The following FLYWCH2 variants were observed in gnomAD, a reference collection of about 807,000 sequenced individuals.
FLYWCH2 encodes the protein FLYWCH family member 2.
A neutral mutation model predicts 6.0 loss-of-function variants in FLYWCH2; 2 were observed. That is an observed-to-expected ratio of 0.33 (90% CI 0.14 to 1.04). FLYWCH2 has a LOEUF of 1.04. Ranked by LOEUF, FLYWCH2 falls within the 50% of genes least tolerant of loss-of-function variation. FLYWCH2 has a pLI of 0.45. For missense variants in FLYWCH2, 192 were observed against 183.4 expected (o/e 1.05, Z -0.27); for synonymous variants, 87 against 79.3 (o/e 1.10, Z -0.52).
chr16:2,898,790 A>G (rs370424699), intron 3 of FLYWCH2: 16 of 372,026 alleles, frequency 4.3e-5, no homozygotes, highest in Admixed American at 4.8e-5. Flanking sequence ...AGCAGAGGCG[A>G]TGGCTGCGGC....
At chr16:2,886,367 G>T (rs1270813639) in intron 1 of FLYWCH2, among the ~76,000 whole-genome samples, 3 of 148,550 alleles carry the variant, frequency 2.0e-5, no homozygotes, top group Non-Finnish European at 4.4e-5. Flanking sequence ...ATCCAAAAAA[G>T]AAAATAATTT....
At chr16:2,890,577 G>A (rs2069745841) in intron 1 of FLYWCH2, among the ~76,000 whole-genome samples, 2 of 148,192 alleles carry the variant, frequency 1.3e-5, no homozygotes, top group South Asian at 4.2e-4. Flanking sequence ...ACCACGCCCG[G>A]CCAATTTTTT....
At chr16:2,884,557 C>CAAAAAAAAAA (rs2069674760) in intron 1 of FLYWCH2, among the ~76,000 whole-genome samples, 2 of 4,620 alleles carry the variant, frequency 4.3e-4, no homozygotes, top group African/African-American at 8.7e-4. Flanking sequence ...CCCGTCTCTA[C>CAAAAAAAAAA]TAAAAAAAAA....
intron 1 of FLYWCH2, among the ~76,000 whole-genome samples, chr16:2,887,031 T>G (rs760577730): frequency 8.5e-5 from 13 of 152,158 alleles, no homozygotes; most frequent in Non-Finnish European, 1.9e-4. Flanking sequence ...TCATTGGTTG[T>G]TTGTGCCTTT....
intron 1 of FLYWCH2, among the ~76,000 whole-genome samples, chr16:2,887,898 A>G (rs1192678844): frequency 1.3e-5 from 2 of 151,942 alleles, no homozygotes; most frequent in Non-Finnish European, 2.9e-5. Context: ...TTTTCCCTCC[A>G]CAGAACTGTC....
intron 2 of FLYWCH2, among the ~76,000 whole-genome samples, chr16:2,895,651 A>G (rs1251600896): frequency 6.6e-6 from 1 of 152,208 alleles, no homozygotes; most frequent in Non-Finnish European, 1.5e-5. Flanking sequence ...CGAGCAGAGG[A>G]GCATGTGGGC....
chr16:2,890,416 A>T (rs1474557211), intron 1 of FLYWCH2, among the ~76,000 whole-genome samples: 3 of 133,410 alleles, frequency 2.2e-5, no homozygotes, highest in South Asian at 2.4e-4. Context: ...TGCCTGACTA[A>T]TTTTTTTTTT....
chr16:2,897,512 A>G (rs1253852242), intron 3 of FLYWCH2, among the ~76,000 whole-genome samples: 2 of 152,148 alleles, frequency 1.3e-5, no homozygotes, highest in Admixed American at 6.5e-5. Flanking sequence ...GAGCATCTTC[A>G]GTCCCTGCTC....
rs373689415 is a variant in FLYWCH2, at chr16:2,891,365, C to T, written c.-199-3855C>T. Among the ~76,000 whole-genome samples the T allele has an allele frequency of 1.5e-4, 23 of 152,284 alleles. No homozygotes were observed. The East Asian group carries it at 3.5e-3, about 23-fold the overall frequency. ...TCTGTGCCAGGCGCAGGCAGGAGGA[C>T]CAGAGTGGCAGGGTTCTCTCTCTCT... On this transcript the variant is annotated intron_variant, in intron 1 of 3. Transcript: ENST00000396958.
At chr16:2,895,795 A>G (rs1343557869) in intron 2 of FLYWCH2, among the ~76,000 whole-genome samples, 3 of 152,276 alleles carry the variant, frequency 2.0e-5, no homozygotes, top group Non-Finnish European at 2.9e-5. Context: ...ATGTCCCCAG[A>G]GTGTTTAGCT....
At chr16:2,891,595 T>C (rs2069758578) in intron 1 of FLYWCH2, among the ~76,000 whole-genome samples, 1 of 152,006 alleles carries the variant, frequency 6.6e-6, no homozygotes, top group Non-Finnish European at 1.5e-5. Context: ...TTAGTAGAGA[T>C]GGGGTTTCAC....
intron 1 of FLYWCH2, among the ~76,000 whole-genome samples, chr16:2,884,579 A>AAAAAAAAAAAAAAC (rs1285185165): frequency 1.1e-4 from 15 of 137,844 alleles, no homozygotes; most frequent in Non-Finnish European, 2.4e-4. Context: ...AAAAAAAAAT[A>AAAAAAAAAAAAAAC]CAAAAATTAG....
At chr16:2,889,723 T>C (rs2069735241) in intron 1 of FLYWCH2, among the ~76,000 whole-genome samples, 2 of 151,892 alleles carry the variant, frequency 1.3e-5, no homozygotes, top group Non-Finnish European at 2.9e-5. Context: ...CAGTACAGAG[T>C]CCCTATAGAT....
chr16:2,894,036 T>C (rs1386414084), intron 1 of FLYWCH2, among the ~76,000 whole-genome samples: 1 of 152,058 alleles, frequency 6.6e-6, no homozygotes, highest in South Asian at 2.1e-4. Flanking sequence ...ATTAGGTTGG[T>C]GAAAATTAAT....
intron 1 of FLYWCH2, among the ~76,000 whole-genome samples, chr16:2,886,336 G>C (rs534726172): frequency 6.6e-6 from 1 of 151,052 alleles, no homozygotes; most frequent in Non-Finnish European, 1.5e-5. Flanking sequence ...GGGATTACAG[G>C]CATGTGCCAC....
chr16:2,892,083 T>C (rs2150847278), intron 1 of FLYWCH2, among the ~76,000 whole-genome samples: 1 of 151,640 alleles, frequency 6.6e-6, no homozygotes, highest in South Asian at 2.1e-4. Flanking sequence ...TCCCAGCTAC[T>C]CGGGAGGCTG....
intron 3 of FLYWCH2, among the ~76,000 whole-genome samples, chr16:2,898,165 A>G (rs899123146): frequency 2.6e-5 from 4 of 152,126 alleles, no homozygotes; most frequent in Admixed American, 6.5e-5. Flanking sequence ...AGACCCCAGA[A>G]TGCCTGAGAT....
chr16:2,898,676 A>C, intron 3 of FLYWCH2: 1 of 192,128 alleles, frequency 5.2e-6, no homozygotes, highest in Non-Finnish European at 1.1e-5. Context: ...TGAAAGGCAG[A>C]GCAGGGCTCC....
Position 2,889,157 on chromosome 16 carries a change from G to T in FLYWCH2, c.-200+5791G>T, listed in dbSNP as rs1169006159. 4.7e-5 allele frequency among the ~76,000 whole-genome samples: 7 copies of T among 149,374 alleles called. 1 individual carries two copies. Among genetic ancestry groups the T allele is most frequent in the African/African-American group, 1.7e-4 (7 of 40,402 alleles). ...TTGTTGTTGTTGTTGTTGTTTGTGT[G>T]TGTGTATACATGTGTATACAGTCAT... On this transcript the variant is annotated intron_variant, in intron 1 of 3. Transcript: ENST00000396958.
Sources: gnomAD v4.1 joint callset for allele counts (sites outside exome capture counted in the v4.1 genomes callset) on GRCh38, gnomAD v4.1.1 for gene constraint, MANE v1.5 for transcripts, NCBI Gene and HGNC (gene_info 2026-07-23, HGNC 2026-07-21) for gene names.